GRIP1: variants seen among roughly 807,000 people sequenced by gnomAD.
The protein encoded by GRIP1 is glutamate receptor interacting protein 1.
Under a neutral mutation model 129.9 loss-of-function variants are expected in GRIP1, and 45 were observed. The ratio of observed to expected loss-of-function variants is 0.35; its 90% CI spans 0.27 to 0.44. GRIP1 has a LOEUF of 0.44. GRIP1 is among the 20% of genes least tolerant of loss of function. The pLI is 1.00. For synonymous variants in GRIP1, 530 were observed against 520.8 expected, an observed-to-expected ratio of 1.02 and a Z score of -0.24; for missense variants, 1,196 against 1,396.8, an observed-to-expected ratio of 0.86 and a Z score of 2.29.
intron 1 of GRIP1, among the ~76,000 whole-genome samples, chr12:66,842,909 G>C (rs2137053800): frequency 6.6e-6 from 1 of 152,222 alleles, no homozygotes; most frequent in South Asian, 2.1e-4. Context: ...TAGGATCAAA[G>C]AAAAGGTATA....
At chr12:66,983,863 T>C (rs1488211953) in intron 1 of GRIP1, among the ~76,000 whole-genome samples, 1 of 152,140 alleles carries the variant, frequency 6.6e-6, no homozygotes, top group Non-Finnish European at 1.5e-5. Context: ...TATCCTGGTG[T>C]CTGTTTTTGC....
At chr12:66,876,196 G>C (rs1364523174) in intron 1 of GRIP1, among the ~76,000 whole-genome samples, 2 of 151,912 alleles carry the variant, frequency 1.3e-5, no homozygotes, top group Non-Finnish European at 2.9e-5. Context: ...AAAATTTATA[G>C]TTAAGTTAGA....
At chr12:67,026,208 GTTC>G (rs774712349) in intron 1 of GRIP1, among the ~76,000 whole-genome samples, 2 of 152,092 alleles carry the variant, frequency 1.3e-5, no homozygotes, top group Non-Finnish European at 2.9e-5. Context: ...TTTTCAAAAA[GTTC>G]TTATTTTAAA....
intron 1 of GRIP1, among the ~76,000 whole-genome samples, chr12:66,856,979 T>C (rs1463324758): frequency 6.6e-6 from 1 of 152,046 alleles, no homozygotes; most frequent in East Asian, 1.9e-4. Context: ...AACCCAAATG[T>C]CCAACAATGA....
At chr12:66,582,995 G>A (rs2063463699) in intron 2 of GRIP1, among the ~76,000 whole-genome samples, 1 of 151,452 alleles carries the variant, frequency 6.6e-6, no homozygotes, top group South Asian at 2.1e-4. Flanking sequence ...CACGCTACCT[G>A]ACTTCAAACT....
intron 1 of GRIP1, among the ~76,000 whole-genome samples, chr12:66,892,524 A>T (rs929967841): frequency 1.3e-5 from 2 of 152,172 alleles, no homozygotes; most frequent in Non-Finnish European, 2.9e-5. Flanking sequence ...CATTGGTACA[A>T]TACTTTATCT....
At chr12:66,353,348 G>A in intron 24 of GRIP1, 69 bp downstream of exon 24, 1 of 1,074,906 alleles carries the variant, frequency 9.3e-7, no homozygotes, top group South Asian at 1.2e-5. Flanking sequence ...CAAATATGCA[G>A]GAGGATGTGG....
intron 13 of GRIP1, among the ~76,000 whole-genome samples, chr12:66,441,951 G>T (rs763035215): frequency 6.6e-6 from 1 of 151,952 alleles, no homozygotes; most frequent in African/African-American, 2.4e-5. Context: ...GCTCTGCTTC[G>T]AGCCATGTCC....
chr12:67,048,594 G>A (rs2066904974), intron 1 of GRIP1, among the ~76,000 whole-genome samples: 2 of 151,750 alleles, frequency 1.3e-5, no homozygotes, highest in African/African-American at 4.8e-5. Flanking sequence ...CAAATAGCTG[G>A]GACTAAAGGC....
chr12:66,722,163 G>A (rs777169763), intron 1 of GRIP1, among the ~76,000 whole-genome samples: 10 of 152,136 alleles, frequency 6.6e-5, no homozygotes, highest in African/African-American at 1.7e-4. Flanking sequence ...ACTATTTGGC[G>A]AAAGAGACCT....
At chr12:66,853,511 T>TA (rs1319646722) in intron 1 of GRIP1, among the ~76,000 whole-genome samples, 1 of 152,082 alleles carries the variant, frequency 6.6e-6, no homozygotes, top group African/African-American at 2.4e-5. Flanking sequence ...ACTCTGCTCT[T>TA]AAGTAATAAT....
intron 1 of GRIP1, among the ~76,000 whole-genome samples, chr12:66,877,087 G>T (rs1248198037): frequency 1.3e-5 from 2 of 151,872 alleles, no homozygotes; most frequent in Non-Finnish European, 2.9e-5. Context: ...TCAATGACGG[G>T]TTACCATCTG....
chr12:66,690,641 G>A (rs1176243511), intron 1 of GRIP1, among the ~76,000 whole-genome samples: 1 of 151,292 alleles, frequency 6.6e-6, no homozygotes, highest in Non-Finnish European at 1.5e-5. Flanking sequence ...CAAGTCAGGA[G>A]AACCAGCTGA....
intron 1 of GRIP1, among the ~76,000 whole-genome samples, chr12:66,888,048 T>C (rs1323600680): frequency 1.3e-5 from 2 of 152,134 alleles, no homozygotes; most frequent in Non-Finnish European, 2.9e-5. Flanking sequence ...ACTTTTTTAT[T>C]CATTTTTATT....
chr12:66,623,916 T>A (rs1028942852), intron 1 of GRIP1, among the ~76,000 whole-genome samples: 2 of 152,172 alleles, frequency 1.3e-5, no homozygotes, highest in Admixed American at 1.3e-4. Context: ...TTAAATTTAT[T>A]ATCTTTTGGT....
At chr12:67,054,203 A>G (rs1247075285) in intron 1 of GRIP1, among the ~76,000 whole-genome samples, 1 of 152,238 alleles carries the variant, frequency 6.6e-6, no homozygotes, top group East Asian at 1.9e-4. Context: ...TTAAAAGTGA[A>G]TGCAATTATA....
intron 23 of GRIP1, among the ~76,000 whole-genome samples, chr12:66,355,496 AC>A (rs1478334799): frequency 6.6e-6 from 1 of 152,178 alleles, no homozygotes; most frequent in African/African-American, 2.4e-5. Context: ...CCACTTTACT[AC>A]ATAAAGGGTG....
rs1491163939 is a variant in GRIP1, at chr12:66,815,852, CTT to C, written c.59-218927_59-218926del. ...TCTTTCTTTCTTTCTTTCTTTCTTT[CTT>C]TCTCTCTCTCTCTCTCTCTCTCTCT... On this transcript the variant is annotated intron_variant, in intron 1 of 1. Transcript: ENST00000643019. Among the ~76,000 whole-genome samples the C allele has an allele frequency of 1.8e-3, 195 of 107,736 alleles. 1 individual carries two copies. Among genetic ancestry groups the C allele is most frequent in the South Asian group, 9.1e-3 (29 of 3,196 alleles). 70.7% of individuals were successfully genotyped at this position (107,736 alleles called of 152,430 possible). A position where few individuals can be genotyped will look rare whatever the true frequency, so the allele number is the denominator to read the frequency against.
intron 2 of GRIP1, among the ~76,000 whole-genome samples, chr12:66,586,996 C>T (rs1409796339): frequency 2.0e-5 from 3 of 152,178 alleles, no homozygotes; most frequent in Admixed American, 2.0e-4. Context: ...CAAACTCTTA[C>T]CATGGCCTAA....
Sources: gnomAD v4.1 joint callset for allele counts (sites outside exome capture counted in the v4.1 genomes callset) on GRCh38, gnomAD v4.1.1 for gene constraint, MANE v1.5 for transcripts, NCBI Gene and HGNC (gene_info 2026-07-23, HGNC 2026-07-21) for gene names.